Variants in ADCY2 observed in about 807,000 individuals in gnomAD.
ADCY2 encodes adenylate cyclase type 2.
Under a neutral mutation model 125.2 loss-of-function variants are expected in ADCY2, and 31 were observed. The ratio of observed to expected loss-of-function variants is 0.25; its 90% CI spans 0.19 to 0.33. The LOEUF (loss-of-function observed/expected upper bound fraction) is 0.33. Among genes scored for constraint, ADCY2 ranks in the 10% least tolerant of loss-of-function variants. ADCY2 has a pLI of 1.00. For missense variants in ADCY2, 904 were observed against 1,418.2 expected (o/e 0.64, Z 5.82); for synonymous variants, 512 against 548.4 (o/e 0.93, Z 0.93).
chr5:7,639,114 GTA>G (rs1448874630), intron 4 of ADCY2, among the ~76,000 whole-genome samples: 1 of 152,118 alleles, frequency 6.6e-6, no homozygotes, highest in Non-Finnish European at 1.5e-5. Flanking sequence ...CCAGTCTCGG[GTA>G]TGTGTTTATC....
chr5:7,652,812 C>A (rs1579279960), intron 4 of ADCY2, among the ~76,000 whole-genome samples: 1 of 152,302 alleles, frequency 6.6e-6, no homozygotes, highest in African/African-American at 2.4e-5. Flanking sequence ...TTGCCTTCTA[C>A]AAAGAGACCC....
intron 16 of ADCY2, among the ~76,000 whole-genome samples, chr5:7,764,798 A>G (rs1316149680): frequency 3.3e-5 from 5 of 152,216 alleles, no homozygotes; most frequent in African/African-American, 9.6e-5. Flanking sequence ...CCTGGAGGGA[A>G]GGTGGGCAAG....
intron 1 of ADCY2, among the ~76,000 whole-genome samples, chr5:7,410,670 T>C (rs1236875625): frequency 6.6e-6 from 1 of 152,124 alleles, no homozygotes; most frequent in East Asian, 1.9e-4. Context: ...AAAAAGACAT[T>C]TTAGTATATT....
chr5:7,539,630 A>G (rs893725960), intron 3 of ADCY2, among the ~76,000 whole-genome samples: 7 of 152,222 alleles, frequency 4.6e-5, no homozygotes, highest in South Asian at 2.1e-4. Flanking sequence ...ATGAGCAGCA[A>G]TGGAAGATTT....
In ADCY2 at chr5:7,802,044, C is replaced by T. The variant is rs1744613228; in HGVS notation, c.2629-174C>T. ...CTGAATCCAGCTCATTAGAAGCTTT[C>T]CCCTGAGAGCAGCGGCAGCATCTGG... On this transcript the variant is annotated intron_variant, in intron 20 of 24. Coordinates refer to ENST00000338316, the MANE Select transcript of ADCY2 (RefSeq NM_020546.3). The surrounding 1 kb of genome is among the most constrained non-coding windows in gnomAD (Gnocchi z 4.6). 1.6e-6 allele frequency: 1 copy of T among 638,918 alleles called. No individual in the cohort carries two copies. The highest frequency in any genetic ancestry group is 2.8e-5 in the East Asian group (1 of 36,074). The allele number at this position is 638,918 out of a possible 1,614,324, so 39.6% of individuals were successfully genotyped here.
intron 3 of ADCY2, among the ~76,000 whole-genome samples, chr5:7,566,169 G>A (rs964581904): frequency 2.1e-4 from 32 of 152,122 alleles, no homozygotes; most frequent in African/African-American, 9.7e-5. Context: ...ACTCATGTGC[G>A]AAGATGCCTT....
At chr5:7,432,871 C>G (rs1740656954) in intron 2 of ADCY2, among the ~76,000 whole-genome samples, 1 of 77,246 alleles carries the variant, frequency 1.3e-5, no homozygotes, top group South Asian at 4.0e-4. Flanking sequence ...TTATGTATGT[C>G]AAAACTCATC....
Position 7,414,699 on chromosome 5 carries a change from A to G in ADCY2, c.337A>G (p.Ile113Val), listed in dbSNP as rs1475353925. 1.2e-6 allele frequency: 2 copies of G among 1,613,822 alleles called. No individual in the cohort carries two copies. Among genetic ancestry groups the G allele is most frequent in the Admixed American group, 1.7e-5 (1 of 59,968 alleles). The change falls in exon 2 of 25, where the codon ATA becomes GTA. Residue 113 changes from isoleucine to valine, a missense_variant. By Grantham distance (29) the Ile-to-Val change is conservative. Transcript: ENST00000338316. ...GCTGCTGCGCCTCTTCTCGTTGGTG[A>G]TATGGATATGCCTTGTTGCCATGGG... ...KKLLRLFSLV[I>V]WICLVAMGYL...
intron 20 of ADCY2, chr5:7,798,248 G>A (rs947050778): frequency 6.6e-6 from 1 of 152,148 alleles, no homozygotes; most frequent in Non-Finnish European, 1.5e-5. Flanking sequence ...AGAAGACTCA[G>A]GTTTGAGGGG....
At chr5:7,723,034 A>C (rs1741813993) in intron 12 of ADCY2, among the ~76,000 whole-genome samples, 1 of 150,902 alleles carries the variant, frequency 6.6e-6, no homozygotes, top group Non-Finnish European at 1.5e-5. Context: ...CATTATCCTC[A>C]GCAAACACAG....
intron 20 of ADCY2, among the ~76,000 whole-genome samples, chr5:7,792,316 AC>A (rs1744275861): frequency 6.6e-6 from 1 of 151,960 alleles, no homozygotes; most frequent in East Asian, 1.9e-4. Flanking sequence ...AATTGCTTGA[AC>A]CTGGAGGTGG....
intron 14 of ADCY2, among the ~76,000 whole-genome samples, chr5:7,732,463 G>T (rs1300410537): frequency 6.6e-6 from 1 of 152,280 alleles, no homozygotes; most frequent in Admixed American, 6.5e-5. Context: ...TTAGTCCCTG[G>T]TTTCTCCTGG....
intron 2 of ADCY2, among the ~76,000 whole-genome samples, chr5:7,498,236 T>C (rs1270010774): frequency 1.3e-5 from 2 of 148,352 alleles, no homozygotes; most frequent in Non-Finnish European, 3.0e-5. Context: ...TTTTTCTTTT[T>C]TCGTTTTTTT....
chr5:7,581,165 A>C (rs1736412215), intron 3 of ADCY2, among the ~76,000 whole-genome samples: 1 of 152,234 alleles, frequency 6.6e-6, no homozygotes, highest in African/African-American at 2.4e-5. Context: ...GTAAATATTA[A>C]CAAAAAACCT....
At chr5:7,629,996 C>T (rs921625695) in intron 4 of ADCY2, among the ~76,000 whole-genome samples, 1 of 152,160 alleles carries the variant, frequency 6.6e-6, no homozygotes, top group Admixed American at 6.5e-5. Flanking sequence ...AATAATTTAA[C>T]AAATTTTTAT....
chr5:7,397,705 A>C (rs984531036), intron 1 of ADCY2, among the ~76,000 whole-genome samples: 3 of 152,138 alleles, frequency 2.0e-5, no homozygotes, highest in Non-Finnish European at 4.4e-5. Flanking sequence ...GTTTTTAAAA[A>C]ATAAAAAAAT....
At chr5:7,545,851 G>A (rs1376497859) in intron 3 of ADCY2, among the ~76,000 whole-genome samples, 5 of 152,174 alleles carry the variant, frequency 3.3e-5, no homozygotes, top group African/African-American at 4.8e-5. Flanking sequence ...ATGGTAACTG[G>A]AGGCTGGGAG....
chr5:7,813,173 G>A (rs1180550124), intron 22 of ADCY2, among the ~76,000 whole-genome samples: 1 of 152,182 alleles, frequency 6.6e-6, no homozygotes, highest in African/African-American at 2.4e-5. Flanking sequence ...AGAACAGAAT[G>A]CTCCTTAGAT....
At chr5:7,481,672 C>T (rs1238535301) in intron 2 of ADCY2, among the ~76,000 whole-genome samples, 2 of 152,058 alleles carry the variant, frequency 1.3e-5, no homozygotes, top group African/African-American at 4.8e-5. Flanking sequence ...AGATTCTCTC[C>T]AATAGAGTTG....
Sources: gnomAD v4.1 joint callset for allele counts (sites outside exome capture counted in the v4.1 genomes callset) on GRCh38, gnomAD v4.1.1 for gene constraint, Gnocchi (gnomAD v3.1) non-coding constraint, MANE v1.5 for transcripts, NCBI Gene and HGNC (gene_info 2026-07-23, HGNC 2026-07-21) for gene names.